WWOX: variants seen among roughly 807,000 people sequenced by gnomAD.
WWOX encodes WW domain containing oxidoreductase, also known as WW domain-containing oxidoreductase.
A neutral mutation model predicts 46.2 loss-of-function variants in WWOX; 69 were observed. The ratio of observed to expected loss-of-function variants is 1.49; its 90% CI spans 1.23 to 1.82. The LOEUF (loss-of-function observed/expected upper bound fraction) is 1.82. Among genes scored for constraint, WWOX ranks in the 40% most tolerant of loss-of-function variants. WWOX has a pLI of 0.00. For missense variants in WWOX, 919 were observed against 542.6 expected, an observed-to-expected ratio of 1.69 and a Z score of -6.89; for synonymous variants, 359 against 202.6, an observed-to-expected ratio of 1.77 and a Z score of -6.56.
chr16:78,522,702 G>A (rs529214430), intron 8 of WWOX, among the ~76,000 whole-genome samples: 36 of 152,328 alleles, frequency 2.4e-4, no homozygotes, highest in African/African-American at 7.2e-4. Flanking sequence ...GTAAAAAGTC[G>A]GGGCAAGGTT....
intron 8 of WWOX, among the ~76,000 whole-genome samples, chr16:78,846,069 A>G (rs745823338): frequency 1.3e-5 from 2 of 152,208 alleles, no homozygotes; most frequent in Non-Finnish European, 2.9e-5. Context: ...GCACAAGTGG[A>G]TTTGAATTCA....
chr16:79,183,908 C>G (rs994431709), intron 8 of WWOX, among the ~76,000 whole-genome samples: 1 of 152,202 alleles, frequency 6.6e-6, no homozygotes, highest in African/African-American at 2.4e-5. Flanking sequence ...ATACTTAGAG[C>G]TTCGAGACCT....
At chr16:78,318,946 C>G (rs370654803) in intron 5 of WWOX, among the ~76,000 whole-genome samples, 2 of 152,090 alleles carry the variant, frequency 1.3e-5, no homozygotes, top group Non-Finnish European at 2.9e-5. Context: ...TCCGCGGAAA[C>G]TATGGATATG....
At chr16:78,202,252 G>C (rs956325731) in intron 5 of WWOX, among the ~76,000 whole-genome samples, 1 of 152,194 alleles carries the variant, frequency 6.6e-6, no homozygotes, top group Non-Finnish European at 1.5e-5. Flanking sequence ...ACGTGGAAGA[G>C]TTGTTGGTCC....
At chr16:78,958,780 A>C (rs1231713231) in intron 8 of WWOX, among the ~76,000 whole-genome samples, 1 of 152,236 alleles carries the variant, frequency 6.6e-6, no homozygotes. Context: ...TGGATAGTTT[A>C]ATCTGAAAAT....
intron 5 of WWOX, among the ~76,000 whole-genome samples, chr16:78,266,794 C>CTCTT (rs2079372280): frequency 8.0e-6 from 1 of 124,510 alleles, no homozygotes; most frequent in African/African-American, 3.5e-5. Flanking sequence ...TCTATTCTCT[C>CTCTT]TCTCTCTCTC....
At chr16:79,156,027 A>T (rs1195755535) in intron 8 of WWOX, among the ~76,000 whole-genome samples, 3 of 152,178 alleles carry the variant, frequency 2.0e-5, no homozygotes, top group African/African-American at 7.2e-5. Flanking sequence ...AAAAATAGTT[A>T]GTTTACAATT....
chr16:79,066,510 A>AGGGAGGAAGGGAG (rs1229765104), intron 8 of WWOX, among the ~76,000 whole-genome samples: 1 of 152,172 alleles, frequency 6.6e-6, no homozygotes, highest in Non-Finnish European at 1.5e-5. Context: ...GAAGGGAAGA[A>AGGGAGGAAGGGAG]GGGAGGAAGG....
chr16:79,057,237 A>G (rs1416700659), intron 8 of WWOX, among the ~76,000 whole-genome samples: 3 of 152,210 alleles, frequency 2.0e-5, no homozygotes. Context: ...TTTAGGATAC[A>G]TCACCAGTCT....
chr16:78,825,679 A>C, intron 8 of WWOX: 5 of 535,378 alleles, frequency 9.3e-6, no homozygotes, highest in Non-Finnish European at 1.8e-5. Flanking sequence ...ATAGGCTGCC[A>C]AGCTGTGGTT....
At chr16:78,597,634 G>A (rs372097672) in intron 8 of WWOX, among the ~76,000 whole-genome samples, 82 of 151,896 alleles carry the variant, frequency 5.4e-4, no homozygotes, top group African/African-American at 1.8e-3. Context: ...TTTTTTTCTC[G>A]TTCATCTCTC....
intron 1 of WWOX, among the ~76,000 whole-genome samples, chr16:78,106,191 G>A (rs959944761): frequency 1.3e-5 from 2 of 152,178 alleles, no homozygotes; most frequent in East Asian, 3.9e-4. Flanking sequence ...GCTTTTAATG[G>A]CAGGCAAGGA....
chr16:78,316,641 C>G (rs1437426132), intron 5 of WWOX, among the ~76,000 whole-genome samples: 1 of 151,904 alleles, frequency 6.6e-6, no homozygotes, highest in African/African-American at 2.4e-5. Context: ...CGGTGCCTGG[C>G]CAAGTCTGTT....
At chr16:78,473,945 T>C (rs2084295539) in intron 8 of WWOX, among the ~76,000 whole-genome samples, 1 of 152,206 alleles carries the variant, frequency 6.6e-6, no homozygotes. Context: ...TCCCTGTTAA[T>C]TCCTTGGAGG....
intron 4 of WWOX, chr16:78,123,779 T>C (rs1364297938): frequency 6.6e-6 from 1 of 152,010 alleles, no homozygotes; most frequent in Non-Finnish European, 1.5e-5. Flanking sequence ...TCTAAGAATA[T>C]AGTGTCCCTT....
At chr16:78,371,703 T>A (rs1232505835) in intron 5 of WWOX, among the ~76,000 whole-genome samples, 1 of 152,218 alleles carries the variant, frequency 6.6e-6, no homozygotes, top group Non-Finnish European at 1.5e-5. Flanking sequence ...TAGTGTTTTT[T>A]ATTTTTATTT....
intron 8 of WWOX, among the ~76,000 whole-genome samples, chr16:78,870,915 T>A (rs528820095): frequency 1.3e-5 from 2 of 152,260 alleles, no homozygotes; most frequent in Admixed American, 1.3e-4. Flanking sequence ...TCTAATCAGT[T>A]CCTTTAAATC....
At chr16:78,359,325 A>T (rs755972138) in intron 5 of WWOX, among the ~76,000 whole-genome samples, 8 of 152,204 alleles carry the variant, frequency 5.3e-5, no homozygotes, top group Non-Finnish European at 1.2e-4. Context: ...ATTTTACATA[A>T]AAACCTCTAA....
intron 8 of WWOX, among the ~76,000 whole-genome samples, chr16:78,878,316 AAGTACAGACTTTGC>A (rs2044274239): frequency 6.6e-6 from 1 of 152,170 alleles, no homozygotes; most frequent in Non-Finnish European, 1.5e-5. Flanking sequence ...TGACATTGGG[AAGTACAGACTTTGC>A]AGGCAGGCCC....
Sources: gnomAD v4.1 joint callset for allele counts (sites outside exome capture counted in the v4.1 genomes callset) on GRCh38, gnomAD v4.1.1 for gene constraint, MANE v1.5 for transcripts, NCBI Gene and HGNC (gene_info 2026-07-23, HGNC 2026-07-21) for gene names.